Variants in TET2 observed in about 807,000 individuals in gnomAD.
TET2 encodes methylcytosine dioxygenase TET2.
Under a neutral mutation model 142.9 loss-of-function variants are expected in TET2, and 299 were observed. That is an observed-to-expected ratio of 2.09 (90% CI 1.90 to 2.30). The LOEUF (loss-of-function observed/expected upper bound fraction) is 2.30. Among genes scored for constraint, TET2 ranks in the 30% most tolerant of loss-of-function variants. The pLI, the probability that TET2 is intolerant of heterozygous loss-of-function variation, is 0.00. For synonymous variants in TET2, 819 were observed against 849.0 expected (o/e 0.96, Z 0.61); for missense variants, 2,418 against 2,378.0 (o/e 1.02, Z -0.35).
Position 105,276,597 on chromosome 4 carries a change from G to A in TET2, c.*78G>A. The A allele has an allele frequency of 7.0e-7, 1 of 1,429,280 alleles. No homozygotes were observed. Among genetic ancestry groups the A allele is most frequent in the Non-Finnish European group, 9.3e-7 (1 of 1,072,074 alleles). The allele number at this position is 1,429,280 out of a possible 1,614,324, so 88.5% of individuals were successfully genotyped here. A position where few individuals can be genotyped will look rare whatever the true frequency, so the allele number is the denominator to read the frequency against. On this transcript the variant is annotated 3_prime_UTR_variant, in exon 11 of 11. Coordinates refer to ENST00000380013, the MANE Select transcript of TET2 (RefSeq NM_001127208.3). Reference sequence around the variant, plus strand: ...CAGTAGTATAGTTCTCATGACGTGGGCAGTGGGGAAAGGTCACAGTATTCA... The same window carrying A: ...CAGTAGTATAGTTCTCATGACGTGGACAGTGGGGAAAGGTCACAGTATTCA...
At chr4:105,184,573 T>G (rs1725314340) in intron 1 of TET2, among the ~76,000 whole-genome samples, 1 of 152,150 alleles carries the variant, frequency 6.6e-6, no homozygotes, top group South Asian at 2.1e-4. Context: ...ACATTTAAGG[T>G]CTTTAATTTT....
chr4:105,159,564 C>A (rs1723741703), intron 1 of TET2, among the ~76,000 whole-genome samples: 1 of 151,964 alleles, frequency 6.6e-6, no homozygotes, highest in Non-Finnish European at 1.5e-5. Context: ...TAAGATTAAT[C>A]TTTTTATGCC....
intron 6 of TET2, among the ~76,000 whole-genome samples, chr4:105,244,614 A>ATTTTTTTTTT (rs1729495036): frequency 3.5e-5 from 1 of 28,860 alleles, no homozygotes; most frequent in Non-Finnish European, 6.5e-5. Context: ...TTTTTTTTTG[A>ATTTTTTTTTT]GATGGAGTTT....
At chr4:105,231,289 T>C (rs1362550062) in intron 2 of TET2, among the ~76,000 whole-genome samples, 2 of 152,190 alleles carry the variant, frequency 1.3e-5, no homozygotes, top group Non-Finnish European at 2.9e-5. Flanking sequence ...AGTAAGAGTA[T>C]ATTAAGTGAA....
intron 1 of TET2, among the ~76,000 whole-genome samples, chr4:105,176,567 G>A (rs186342375): frequency 8.9e-4 from 136 of 152,214 alleles, no homozygotes; most frequent in Middle Eastern, 3.4e-3. Flanking sequence ...AAATACTTTT[G>A]TATAAATCTA....
At chr4:105,274,905 A>T in intron 10 of TET2, 143 bp from the exon 11 acceptor site, 1 of 1,105,206 alleles carries the variant, frequency 9.0e-7, no homozygotes, top group Non-Finnish European at 1.2e-6. Context: ...CAGAACCCTG[A>T]CTTTGCTCTT....
rs768395198 is a variant in TET2, at chr4:105,279,649, T to G, written c.*3130T>G. The G allele has an allele frequency of 2.2e-5, 5 of 231,320 alleles. No homozygotes were observed. The highest frequency in any genetic ancestry group is 4.3e-5 in the Non-Finnish European group (5 of 116,960). The allele number at this position is 231,320 out of a possible 1,614,324, so 14.3% of individuals were successfully genotyped here. A position where few individuals can be genotyped will look rare whatever the true frequency, so the allele number is the denominator to read the frequency against. On this transcript the variant is annotated 3_prime_UTR_variant, in exon 11 of 11. Transcript: ENST00000380013. The stretch of plus-strand genomic sequence containing the variant: ...CTAGTTTCATTTCATTTTCATGAGA[T>G]GTTTGGTTTATAAGATCTGAGGATG...
rs551363141 is a variant in TET2, at chr4:105,151,790, C to T, written c.-193+4811C>T. 1.4e-4 allele frequency among the ~76,000 whole-genome samples: 21 copies of T among 152,192 alleles called. No homozygotes were observed. The South Asian group carries it at 3.9e-3, about 29-fold the overall frequency. ...ATAAACTGAGAATTAAAGTAAGAGA[C>T]GAGGCCGGTTGTGGTGGCTCATGCC... On this transcript the variant is annotated intron_variant, in intron 1 of 10. Coordinates refer to ENST00000380013, the MANE Select transcript of TET2 (RefSeq NM_001127208.3).
intron 4 of TET2, chr4:105,241,962 A>G (rs942504698): frequency 2.4e-6 from 3 of 1,240,584 alleles, no homozygotes; most frequent in East Asian, 3.2e-5. Context: ...TTCGCTATCA[A>G]TCACAGGTAT....
chr4:105,193,547 TTTA>T (rs1180447848), intron 2 of TET2, among the ~76,000 whole-genome samples: 2 of 152,072 alleles, frequency 1.3e-5, no homozygotes, highest in African/African-American at 4.8e-5. Context: ...GTTGGAGTAA[TTTA>T]GGAGATAAAT....
chr4:105,203,696 A>C (rs1453800325), intron 2 of TET2, among the ~76,000 whole-genome samples: 1 of 152,194 alleles, frequency 6.6e-6, no homozygotes, highest in African/African-American at 2.4e-5. Flanking sequence ...TTAACATAGC[A>C]CAATGCTGCC....
intron 8 of TET2, among the ~76,000 whole-genome samples, chr4:105,263,423 A>C (rs1214971386): frequency 6.6e-6 from 1 of 152,228 alleles, no homozygotes; most frequent in Admixed American, 6.5e-5. Context: ...AAATGGCAGG[A>C]ATTAAGTATG....
At position 105,236,516 on chromosome 4, in the gene TET2, G is replaced by C; in HGVS notation, c.2574G>C (p.Lys858Asn). 1 of 1,614,070 alleles carries C rather than the reference G, an allele frequency of 6.2e-7. No individual in the cohort carries two copies. The highest frequency in any genetic ancestry group is 8.5e-7 in the Non-Finnish European group (1 of 1,180,004). Residue 858 changes from lysine (K) to asparagine (N), a missense_variant, in exon 3 of 11, where the codon AAG (lysine) becomes AAC (asparagine). Transcript: ENST00000380013. ...ATCCTGAACTTTTTGCAGGAAACAA[G>C]ACCCAAAACTTGCATCACATGCAAT... ...TTHPELFAGN[K>N]TQNLHHMQYF...
At position 105,234,709 on chromosome 4, in the gene TET2, C is replaced by G; in HGVS notation, c.767C>G (p.Ala256Gly). Residue 256 changes from alanine to glycine, a missense_variant, in exon 3 of 11, where the codon GCT becomes GGT. Transcript: ENST00000380013. ...TSHINAINSQ[A>G]TNELSCEITH... is the part of the protein sequence containing the mutation. Reference sequence around the variant, plus strand: ...CACATAAATGCCATTAACAGTCAGGCTACTAATGAGTTGTCCTGTGAGATC... The same window carrying G: ...CACATAAATGCCATTAACAGTCAGGGTACTAATGAGTTGTCCTGTGAGATC... 1.9e-6 allele frequency: 3 copies of G among 1,614,012 alleles called. No individual in the cohort carries two copies. Among genetic ancestry groups the G allele is most frequent in the Non-Finnish European group, 2.5e-6 (3 of 1,180,008 alleles).
intron 1 of TET2, among the ~76,000 whole-genome samples, chr4:105,186,796 A>G (rs550443724): frequency 2.6e-5 from 4 of 152,126 alleles, no homozygotes; most frequent in Non-Finnish European, 5.9e-5. Context: ...TAGCATCATT[A>G]AGCTTCTCTT....
rs1730443007 is a variant in TET2, at chr4:105,261,756, C to CGTAT, written c.3955-3_3955-2insGTAT. On this transcript the variant is annotated splice_polypyrimidine_tract_variant and splice_region_variant and intron_variant, in intron 7 of 10. Transcript: ENST00000380013. ...AATATGTAGAATTATTCACTTTATA[C>CGTAT]AGGAAGAGAAACTGGAGTCTCATTT... The CGTAT allele has an allele frequency of 1.3e-6, 2 of 1,529,538 alleles. No individual in the cohort carries two copies. Among genetic ancestry groups the CGTAT allele is most frequent in the African/African-American group, 2.8e-5 (2 of 72,514 alleles). 94.7% of individuals were successfully genotyped at this position (1,529,538 alleles called of 1,614,324 possible).
Position 105,275,131 on chromosome 4 carries a change from C to T in TET2, c.4621C>T (p.Gln1541Ter), listed in dbSNP as rs1560572937. The T allele has an allele frequency of 1.9e-6, 3 of 1,551,604 alleles. No individual in the cohort carries two copies. The highest frequency in any genetic ancestry group is 2.6e-6 in the Non-Finnish European group (3 of 1,146,774). Reference protein sequence around the residue: ...LQKQPPQPQQQQRPQQQQPHH... With the variant: ...LQKQPPQPQQ The stretch of plus-strand genomic sequence containing the variant: ...GAAGCAGCCACCACAGCCCCAGCAG[C>T]AGCAGAGACCCCAGCAGCAGCAGCC... The change falls in exon 11 of 11, where the codon CAG (glutamine) becomes TAG (stop). Residue 1541 changes from glutamine (Q) to a stop codon, truncating the protein, a stop_gained. Transcript: ENST00000380013. LOFTEE classifies it low-confidence loss of function (END_TRUNC).
At chr4:105,183,016 A>C (rs1003731132) in intron 1 of TET2, among the ~76,000 whole-genome samples, 6 of 152,212 alleles carry the variant, frequency 3.9e-5, no homozygotes, top group Non-Finnish European at 7.4e-5. Flanking sequence ...TGTATACCTA[A>C]TACTTATCCC....
intron 1 of TET2, among the ~76,000 whole-genome samples, chr4:105,184,130 A>AT (rs998760235): frequency 3.6e-4 from 55 of 151,522 alleles, no homozygotes; most frequent in East Asian, 5.8e-4. Context: ...CAGATGCAGA[A>AT]TTTTTTTTTG....
Sources: allele counts gnomAD v4.1 joint callset (sites outside exome capture counted in the v4.1 genomes callset), GRCh38; gene constraint gnomAD v4.1.1; transcripts MANE v1.5; gene names NCBI Gene and HGNC (gene_info 2026-07-23, HGNC 2026-07-21).